Variants in CCSER1 observed in about 807,000 individuals in gnomAD.
CCSER1 encodes the protein coiled-coil serine rich protein 1.
A neutral mutation model predicts 82.0 loss-of-function variants in CCSER1; 41 were observed. That is an observed-to-expected ratio of 0.50 (90% confidence interval 0.39 to 0.65). The LOEUF is 0.65. CCSER1 is among the 30% of genes least tolerant of loss of function. The probability of loss-of-function intolerance (pLI) is 0.00; values close to 1 mark genes in which losing one functional copy is unlikely to be tolerated. For synonymous variants in CCSER1, 414 were observed against 383.9 expected, an observed-to-expected ratio of 1.08 and a Z score of -0.92; for missense variants, 1,119 against 1,064.2, an observed-to-expected ratio of 1.05 and a Z score of -0.72.
At chr4:91,338,233 A>G (rs149809621) in intron 10 of CCSER1, among the ~76,000 whole-genome samples, 98 of 152,298 alleles carry the variant, frequency 6.4e-4, no homozygotes, top group African/African-American at 2.2e-3. Flanking sequence ...GACAGTTATT[A>G]TAAAAGCTGA....
At chr4:90,611,797 T>A (rs1250127904) in intron 5 of CCSER1, among the ~76,000 whole-genome samples, 1 of 148,336 alleles carries the variant, frequency 6.7e-6, no homozygotes, top group Admixed American at 6.8e-5. Flanking sequence ...ATATATTATA[T>A]ATTTAAAATT....
At chr4:90,770,554 G>A (rs938080379) in intron 7 of CCSER1, among the ~76,000 whole-genome samples, 2 of 152,176 alleles carry the variant, frequency 1.3e-5, no homozygotes, top group East Asian at 1.9e-4. Flanking sequence ...AAATCCCAGA[G>A]CAAGTAACAT....
chr4:91,553,035 C>T (rs1288336333), intron 10 of CCSER1, among the ~76,000 whole-genome samples: 2 of 151,296 alleles, frequency 1.3e-5, no homozygotes, highest in Non-Finnish European at 3.0e-5. Flanking sequence ...ATAAGACAGG[C>T]CTAGTAAGAG....
intron 9 of CCSER1, among the ~76,000 whole-genome samples, chr4:90,965,267 C>T (rs1167175606): frequency 6.6e-6 from 1 of 152,078 alleles, no homozygotes; most frequent in African/African-American, 2.4e-5. Flanking sequence ...GATGATATGT[C>T]TACAGAGGCC....
At position 90,707,340 on chromosome 4, in the gene CCSER1, A is replaced by T. The variant is rs1210444560; in HGVS notation, c.1933-16574A>T. Among the ~76,000 whole-genome samples the T allele has an allele frequency of 2.0e-5, 3 of 151,774 alleles. No individual in the cohort carries two copies. The East Asian group carries it at 5.8e-4, about 29-fold the overall frequency. ...GATGTCCATTTGGAATTTCAAACTT[A>T]ACTTGAACAAGCTGAATTACTGGAC... On this transcript the variant is annotated intron_variant, in intron 6 of 10. Transcript: ENST00000509176.
chr4:90,203,280 G>C (rs1357288385), intron 1 of CCSER1, among the ~76,000 whole-genome samples: 1 of 152,108 alleles, frequency 6.6e-6, no homozygotes, highest in Admixed American at 6.5e-5. Context: ...CATGTGCCAT[G>C]GTGGTTTGCT....
chr4:90,775,548 G>T (rs974727597), intron 7 of CCSER1, among the ~76,000 whole-genome samples: 2 of 152,092 alleles, frequency 1.3e-5, no homozygotes, highest in African/African-American at 4.8e-5. Context: ...TTTAAATGCA[G>T]CAGTTTCTGT....
In CCSER1 at chr4:91,177,794, G is replaced by T. The variant is rs140830960; in HGVS notation, c.2217+91800G>T. 8.1e-3 allele frequency among the ~76,000 whole-genome samples: 1,229 copies of T among 152,144 alleles called. 6 individuals carry two copies. The highest frequency in any genetic ancestry group is 0.019 in the African/African-American group (786 of 41,504). On this transcript the variant is annotated intron_variant, in intron 10 of 10. Transcript: ENST00000509176. ...CCTGGATTCATTGATTTTTTGAAGT[G>T]TTTCTTGCATCTCTATCTCCTTCAG...
In CCSER1 at chr4:91,134,618, TTATAG is replaced by T. The variant is rs956300809; in HGVS notation, c.2217+48627_2217+48631del. Among the ~76,000 whole-genome samples, 6 of 152,120 alleles carry T rather than the reference TTATAG, an allele frequency of 3.9e-5. No homozygotes were observed. In the South Asian group the frequency reaches 6.2e-4, roughly 16 times the overall value. ...AATGGGGAGATTGGAAAATTATTCC[TTATAG>T]TAAAGTTTCAACTAATAAATGTAGA... On this transcript the variant is annotated intron_variant, in intron 10 of 10. Coordinates refer to ENST00000509176, the MANE Select transcript of CCSER1 (RefSeq NM_001145065.2).
At chr4:91,347,728 T>C (rs1748155366) in intron 10 of CCSER1, among the ~76,000 whole-genome samples, 1 of 152,088 alleles carries the variant, frequency 6.6e-6, no homozygotes, top group South Asian at 2.1e-4. Context: ...TTTTGAGATG[T>C]ACTAATTTAA....
At chr4:90,486,919 A>C (rs541966355) in intron 5 of CCSER1, among the ~76,000 whole-genome samples, 56 of 152,196 alleles carry the variant, frequency 3.7e-4, no homozygotes, top group South Asian at 8.3e-4. Flanking sequence ...CTTTCTCTCT[A>C]TATATATTTT....
chr4:90,610,691 TATG>T (rs565498421), intron 5 of CCSER1, among the ~76,000 whole-genome samples: 4 of 152,170 alleles, frequency 2.6e-5, no homozygotes, highest in Non-Finnish European at 5.9e-5. Context: ...ATGTTAGTAT[TATG>T]ATGAACATCA....
chr4:91,050,149 G>A (rs1278876328), intron 9 of CCSER1, among the ~76,000 whole-genome samples: 1 of 152,118 alleles, frequency 6.6e-6, no homozygotes, highest in Non-Finnish European at 1.5e-5. Context: ...GCATACACTA[G>A]GCCAGGAGTG....
chr4:91,522,786 G>A (rs901456564), intron 10 of CCSER1, among the ~76,000 whole-genome samples: 23 of 152,070 alleles, frequency 1.5e-4, no homozygotes, highest in Non-Finnish European at 2.1e-4. Flanking sequence ...GAGCTGATGG[G>A]GTTTTCTAAA....
At chr4:90,651,561 A>G (rs1221509917) in intron 6 of CCSER1, among the ~76,000 whole-genome samples, 1 of 152,152 alleles carries the variant, frequency 6.6e-6, no homozygotes, top group Non-Finnish European at 1.5e-5. Flanking sequence ...TAGGGGAGGG[A>G]TAGCATTAGG....
intron 10 of CCSER1, among the ~76,000 whole-genome samples, chr4:91,467,867 G>T (rs1578538375): frequency 1.3e-5 from 2 of 152,196 alleles, no homozygotes; most frequent in Non-Finnish European, 2.9e-5. Flanking sequence ...TGCTGGAGAG[G>T]ATGTGGAGAA....
intron 7 of CCSER1, among the ~76,000 whole-genome samples, chr4:90,771,065 A>G (rs146875408): frequency 8.9e-4 from 135 of 152,150 alleles, no homozygotes; most frequent in Non-Finnish European, 1.6e-3. Context: ...TTTGCATGGG[A>G]TTGCTTTTGC....
intron 6 of CCSER1, among the ~76,000 whole-genome samples, chr4:90,717,728 A>G (rs199848486): frequency 2.1e-5 from 1 of 47,250 alleles, no homozygotes; most frequent in Non-Finnish European, 4.1e-5. Flanking sequence ...ATGTGTGTTT[A>G]TATATATATA....
At chr4:91,459,059 C>T (rs1012767900) in intron 10 of CCSER1, among the ~76,000 whole-genome samples, 1 of 151,646 alleles carries the variant, frequency 6.6e-6, no homozygotes, top group African/African-American at 2.4e-5. Context: ...ATAATGTTTC[C>T]TTCATATTAA....
Sources: gnomAD v4.1 joint callset for allele counts (sites outside exome capture counted in the v4.1 genomes callset) on GRCh38, gnomAD v4.1.1 for gene constraint, MANE v1.5 for transcripts, NCBI Gene and HGNC (gene_info 2026-07-23, HGNC 2026-07-21) for gene names.